Variants in ZNF512B observed in about 807,000 individuals in gnomAD.
ZNF512B encodes the protein zinc finger protein 512B.
ZNF512B carries 22 observed loss-of-function variants against 87.8 expected under a neutral mutation model. The observed-to-expected ratio is 0.25, with a 90% CI of 0.18 to 0.36. The LOEUF (loss-of-function observed/expected upper bound fraction) is 0.36, where lower values mean the gene tolerates loss of function less well. Ranked by LOEUF, ZNF512B falls within the 10% of genes least tolerant of loss-of-function variation. The probability of loss-of-function intolerance (pLI) is 1.00; values close to 1 mark genes in which losing one functional copy is unlikely to be tolerated. For synonymous variants in ZNF512B, 524 were observed against 490.9 expected (o/e 1.07, Z -0.89); for missense variants, 1,060 against 1,231.6 (o/e 0.86, Z 2.09).
rs911213004 is a variant in ZNF512B at position 63,957,414 on chromosome 20, A to T, written c.*2474T>A. On this transcript the variant is annotated 3_prime_UTR_variant, in exon 17 of 17. Transcript: ENST00000369888. ...GGGCTCCTGGAGGCCTATGTGGGCC[A>T]GCGTAGGGAGTGGGCAGACCCTGCT... 6.6e-6 allele frequency: 1 copy of T among 152,390 alleles called. No homozygotes were observed. The highest frequency in any genetic ancestry group is 2.4e-5 in the African/African-American group (1 of 41,416). The allele number at this position is 152,390 out of a possible 1,614,324, so 9.4% of individuals were successfully genotyped here.
Position 63,966,998 on chromosome 20 carries a change from G to C in ZNF512B, c.271C>G (p.Leu91Val), listed in dbSNP as rs1174373966. Residue 91 changes from leucine (L) to valine (V), a missense_variant, in exon 4 of 17, where the codon CTG becomes GTG. Coordinates refer to ENST00000369888, the MANE Select transcript of ZNF512B (RefSeq NM_020713.3). ...NQALRDIPLS[L>V]MNDWKDEFKA... ...AACTCATCCTTCCAGTCGTTCATCA[G>C]GGAGAGCTAGGCGTGGGGAAAGGTG... 1 of 1,613,492 alleles carries C rather than the reference G, an allele frequency of 6.2e-7. No individual in the cohort carries two copies. Among genetic ancestry groups the C allele is most frequent in the Non-Finnish European group, 8.5e-7 (1 of 1,180,034 alleles).
chr20:63,967,258 G>A (rs1458784667), intron 3 of ZNF512B, 123 bp downstream of exon 3: 13 of 1,426,772 alleles, frequency 9.1e-6, no homozygotes, highest in Non-Finnish European at 1.2e-5. Flanking sequence ...AGTCTGCCAG[G>A]CCAGTGCCCA....
chr20:63,963,506 C>T lies in ZNF512B; in HGVS notation c.1699-66G>A, dbSNP rs1021794141. ...ACGGAGCCCTGCCCTGGCCCCGCCCCGCCCAGGTGTTGGGCCACCGTTGTC... is the reference window on the plus strand; with the variant it reads ...ACGGAGCCCTGCCCTGGCCCCGCCCTGCCCAGGTGTTGGGCCACCGTTGTC... On this transcript the variant is annotated intron_variant, in intron 10 of 16. Transcript: ENST00000369888. The T allele has an allele frequency of 1.4e-5, 22 of 1,562,520 alleles. 1 individual carries two copies. Among genetic ancestry groups the T allele is most frequent in the African/African-American group, 1.2e-4 (9 of 73,902 alleles).
chr20:63,967,363 G>T lies in ZNF512B; in HGVS notation c.264+18C>A, dbSNP rs757332251. The T allele has an allele frequency of 1.2e-4, 185 of 1,581,660 alleles. 1 individual carries two copies. The highest frequency in any genetic ancestry group is 1.4e-4 in the Non-Finnish European group (166 of 1,160,844). ...GAGACCCCAGCATGAGCCCCACCAT[G>T]GCCCTGAGGGAGCTCACAGGAATGT... On this transcript the variant is annotated intron_variant, in intron 3 of 16. Transcript: ENST00000369888.
rs759988429 is a variant in ZNF512B at position 63,962,804 on chromosome 20, G to C, written c.1969-23C>G. 8.3e-6 allele frequency: 13 copies of C among 1,573,128 alleles called. No homozygotes were observed. In the South Asian group the frequency reaches 1.5e-4, roughly 18 times the overall value. Reference sequence around the variant, plus strand: ...GGGCTGGAGGGCAGGAAGGCATGGAGGCTAGAGTGAGCCGCGGGAGCAAGA... The same window carrying C: ...GGGCTGGAGGGCAGGAAGGCATGGACGCTAGAGTGAGCCGCGGGAGCAAGA... On this transcript the variant is annotated intron_variant, in intron 12 of 16. Transcript: ENST00000369888.
intron 3 of ZNF512B, 80 bp from the exon 4 acceptor site, chr20:63,967,084 C>T: frequency 6.3e-7 from 1 of 1,589,406 alleles, no homozygotes; most frequent in Non-Finnish European, 8.5e-7. Context: ...TCAGAGCCCC[C>T]CCGGGCCTGC....
Position 63,962,785 on chromosome 20 carries a change from G to A in ZNF512B, c.1969-4C>T, listed in dbSNP as rs769895620. 1 of 1,591,776 alleles carries A rather than the reference G, an allele frequency of 6.3e-7. No homozygotes were observed. Among genetic ancestry groups the A allele is most frequent in the African/African-American group, 1.3e-5 (1 of 74,620 alleles). ...TGTCTGTGGGCTCCTCAGGGGGCTG[G>A]AGGGCAGGAAGGCATGGAGGCTAGA... On this transcript the variant is annotated splice_region_variant and splice_polypyrimidine_tract_variant and intron_variant, in intron 12 of 16. Coordinates refer to ENST00000369888, the MANE Select transcript of ZNF512B (RefSeq NM_020713.3).
chr20:63,967,124 C>T (rs915329805), intron 3 of ZNF512B, 120 bp from the exon 4 acceptor site: 3 of 1,467,870 alleles, frequency 2.0e-6, no homozygotes, highest in Non-Finnish European at 2.8e-6. Flanking sequence ...AGCCCCTCAA[C>T]CTCGGGACTG....
chr20:63,961,956 C>A lies in ZNF512B; in HGVS notation c.2314G>T (p.Ala772Ser). Residue 772 changes from alanine to serine, a missense_variant, in exon 15 of 17, where the codon GCC becomes TCC. By Grantham distance (99) the Ala-to-Ser change is moderately conservative. Around this residue, in one of 9 missense-constraint regions of ZNF512B, gnomAD observed 253 missense variants for 259.2 expected, o/e 0.98. Transcript: ENST00000369888. The surrounding 1 kb of genome is among the most constrained non-coding windows in gnomAD (Gnocchi z 6.4). ...CCAGAACTGACCTTACTGCAGCTGG[C>A]GAGATGAGCCTTGAGTCCGGACACG... ...SSVSGLKAHL[A>S]SCSKGAHLAG... 2 of 1,551,040 alleles carry A rather than the reference C, an allele frequency of 1.3e-6. No individual in the cohort carries two copies. Among genetic ancestry groups the A allele is most frequent in the Non-Finnish European group, 1.7e-6 (2 of 1,146,902 alleles).
chr20:63,967,855 T>C lies in ZNF512B; in HGVS notation c.96A>G (p.Pro32=). ...KDGSRKEVRL[P]MLHDPPKMGM... is the part of the protein sequence containing the mutation. ...CCATCTTCGGTGGGTCATGCAGCATTGGAAGTCGGACCTCCTTTCGGCTGC... is the reference window on the plus strand; with the variant it reads ...CCATCTTCGGTGGGTCATGCAGCATCGGAAGTCGGACCTCCTTTCGGCTGC... Residue 32 remains proline, a synonymous_variant, in exon 2 of 17, where the codon CCA becomes CCG. Transcript: ENST00000369888. 6.2e-7 allele frequency: 1 copy of C among 1,613,386 alleles called. No individual in the cohort carries two copies. The highest frequency in any genetic ancestry group is 8.5e-7 in the Non-Finnish European group (1 of 1,179,816).
At chr20:63,969,373 G>A (rs948711200) in intron 1 of ZNF512B, among the ~76,000 whole-genome samples, 1 of 152,156 alleles carries the variant, frequency 6.6e-6, no homozygotes, top group African/African-American at 2.4e-5. Context: ...CCCTCGCGGG[G>A]AGAGGGGGCT....
At chr20:63,964,455 T>C in intron 6 of ZNF512B, 35 bp downstream of exon 6, 1 of 1,613,446 alleles carries the variant, frequency 6.2e-7, no homozygotes. Flanking sequence ...AGGCCGAGCC[T>C]GCCCCGGCCG....
In ZNF512B at chr20:63,963,206, C is replaced by T. The variant is rs2058875669; in HGVS notation, c.1857G>A (p.Gly619=). 2 of 1,546,858 alleles carry T rather than the reference C, an allele frequency of 1.3e-6. No homozygotes were observed. Among genetic ancestry groups the T allele is most frequent in the Non-Finnish European group, 1.7e-6 (2 of 1,150,048 alleles). The part of the protein sequence containing the change: ...MGYQYHQRRC[G]KPPCEVDSPS... ...GGCTGTCCACCTCGCAGGGCGGCTT[C>T]CCGCAGCGCCGCTGGTGGTACTGGT... is the stretch of plus-strand genomic sequence containing the variant. The change falls in exon 12 of 17, where the codon GGG becomes GGA. Residue 619 remains glycine, a synonymous_variant. Transcript: ENST00000369888.
Position 63,959,914 on chromosome 20 carries a change from C to T in ZNF512B, c.2653G>A (p.Gly885Arg). ...CACTTTTCAGGCGCCTTGCTGACTC[C>T]CACCTTCCGGCCGGTGGAGCCCCGG... ...GARGSTGRKV[G>R]VSKAPEK The change falls in exon 17 of 17, where the codon GGA (glycine) becomes AGA (arginine). Residue 885 changes from glycine to arginine, a missense_variant. Physicochemically the swap from Gly to Arg is moderately radical, Grantham distance 125. Coordinates refer to ENST00000369888, the MANE Select transcript of ZNF512B (RefSeq NM_020713.3). 1 of 1,600,684 alleles carries T rather than the reference C, an allele frequency of 6.2e-7. No homozygotes were observed. The highest frequency in any genetic ancestry group is 8.5e-7 in the Non-Finnish European group (1 of 1,176,242).
rs908994090 is a variant in ZNF512B, at chr20:63,957,471, G to A, written c.*2417C>T. 1 of 152,604 alleles carries A rather than the reference G, an allele frequency of 6.6e-6. No homozygotes were observed. Among genetic ancestry groups the A allele is most frequent in the South Asian group, 2.1e-4 (1 of 4,840 alleles). The allele number at this position is 152,604 out of a possible 1,614,324, so 9.5% of individuals were successfully genotyped here. A position where few individuals can be genotyped will look rare whatever the true frequency, so the allele number is the denominator to read the frequency against. On this transcript the variant is annotated 3_prime_UTR_variant, in exon 17 of 17. Transcript: ENST00000369888. ...CACCCAGGGCCCCACCCCTTGGGAG[G>A]AGGGCTCTGCGGACCAGCATGTGGC...
At chr20:63,966,845 G>A (rs773396860) in intron 4 of ZNF512B, 31 bp downstream of exon 4, 1 of 1,612,790 alleles carries the variant, frequency 6.2e-7, no homozygotes, top group African/African-American at 1.3e-5. Flanking sequence ...ACACCCCGAG[G>A]CCTCCTCTCC....
intron 2 of ZNF512B, 134 bp downstream of exon 2, chr20:63,967,693 CCTA>C: frequency 6.7e-7 from 1 of 1,488,386 alleles, no homozygotes; most frequent in South Asian, 1.3e-5. Flanking sequence ...CAAGGCAACC[CCTA>C]CCCTGGTAAG....
At chr20:63,965,937 T>C (rs1174210066) in intron 5 of ZNF512B, among the ~76,000 whole-genome samples, 2 of 36,744 alleles carry the variant, frequency 5.4e-5, no homozygotes, top group Admixed American at 2.7e-4. Flanking sequence ...CACTGTTCCC[T>C]GACCTGGGAC....
Position 63,961,073 on chromosome 20 carries a change from CT to C in ZNF512B, c.2427+235del, listed in dbSNP as rs2058845804. Among the ~76,000 whole-genome samples, 1 of 152,218 alleles carries C rather than the reference CT, an allele frequency of 6.6e-6. No individual in the cohort carries two copies. Among genetic ancestry groups the C allele is most frequent in the African/African-American group, 2.4e-5 (1 of 41,452 alleles). ...GCACCTGCAGCAGGGCTGCTGGGGG[CT>C]GGAAAGGCGGACACCCCGAGGGCAG... On this transcript the variant is annotated intron_variant, in intron 16 of 16. Coordinates refer to ENST00000369888, the MANE Select transcript of ZNF512B (RefSeq NM_020713.3). The surrounding 1 kb of genome is among the most constrained non-coding windows in gnomAD (Gnocchi z 6.4).
Sources: gnomAD v4.1 joint callset for allele counts (sites outside exome capture counted in the v4.1 genomes callset) on GRCh38, gnomAD v4.1.1 for gene constraint, gnomAD v4.1.1 regional missense constraint, Gnocchi (gnomAD v3.1) non-coding constraint, MANE v1.5 for transcripts, NCBI Gene and HGNC (gene_info 2026-07-23, HGNC 2026-07-21) for gene names.